The following MMEL1 variants were observed in gnomAD, a reference collection of about 807,000 sequenced individuals.
MMEL1 encodes membrane metalloendopeptidase like 1.
In MMEL1, 98 loss-of-function variants were observed where a neutral mutation model predicts 117.1. The ratio of observed to expected loss-of-function variants is 0.84; its 90% CI spans 0.71 to 0.99. The LOEUF is 0.99. MMEL1 is among the 50% of genes least tolerant of loss of function. The probability of loss-of-function intolerance (pLI) is 0.00; values close to 1 mark genes in which losing one functional copy is unlikely to be tolerated. For synonymous variants in MMEL1, 390 were observed against 415.1 expected (o/e 0.94, Z 0.74); for missense variants, 1,014 against 1,049.1 (o/e 0.97, Z 0.46).
chr1:2,593,082 G>C, intron 19 of MMEL1, 116 bp from the exon 20 acceptor site: 1 of 1,346,380 alleles, frequency 7.4e-7, no homozygotes. Context: ...CCAGTACGGA[G>C]AGCCCACAGT....
At chr1:2,604,015 G>GCC (rs1274820803) in intron 10 of MMEL1, 42 bp from the exon 11 acceptor site, 2 of 1,598,512 alleles carry the variant, frequency 1.3e-6, no homozygotes, top group Admixed American at 3.4e-5. Flanking sequence ...TGGCCAGGAT[G>GCC]CCCCCTGGGG....
At chr1:2,601,208 T>A (rs1644926663) in intron 11 of MMEL1, among the ~76,000 whole-genome samples, 2 of 152,182 alleles carry the variant, frequency 1.3e-5, no homozygotes, top group African/African-American at 2.4e-5. Flanking sequence ...CAAGACATTA[T>A]AAAGCTGAAG....
At chr1:2,599,630 G>T (rs1438380002) in intron 11 of MMEL1, among the ~76,000 whole-genome samples, 1 of 152,206 alleles carries the variant, frequency 6.6e-6, no homozygotes, top group Non-Finnish European at 1.5e-5. Context: ...GGTCGAGGCG[G>T]GCAGATCACC....
intron 3 of MMEL1, among the ~76,000 whole-genome samples, chr1:2,611,646 T>A (rs1645130912): frequency 6.6e-6 from 1 of 152,128 alleles, no homozygotes; most frequent in Admixed American, 6.5e-5. Flanking sequence ...TCAGTGATAG[T>A]GAGCTTCGTT....
intron 12 of MMEL1, 42 bp from the exon 13 acceptor site, chr1:2,598,342 G>A (rs773134559): frequency 4.6e-5 from 74 of 1,591,660 alleles, no homozygotes; most frequent in Non-Finnish European, 6.2e-5. Context: ...ACAGGTGAGA[G>A]GTCTTTGCAA....
chr1:2,591,065 CA>C lies in MMEL1; in HGVS notation c.2264del (p.Leu755ArgfsTer74). 6.2e-7 allele frequency: 1 copy of C among 1,604,474 alleles called. No individual in the cohort carries two copies. The highest frequency in any genetic ancestry group is 8.5e-7 in the Non-Finnish European group (1 of 1,175,976). ...AGTGGAACGTGTCTGCGAAGGCGGC[CA>C]GGTTCTGCAGCGACCCCAGTACCCT... Reference protein sequence around the residue: ...KYRVLGSLQNLAAFADTFHCA... With the variant: ...KYRVLGSLQNXAAFADTFHCA... On this transcript the variant is annotated frameshift_variant, in exon 24 of 24. Transcript: ENST00000378412. LOFTEE classifies it high-confidence loss of function.
At chr1:2,600,479 G>A (rs939441674) in intron 11 of MMEL1, among the ~76,000 whole-genome samples, 5 of 151,986 alleles carry the variant, frequency 3.3e-5, no homozygotes, top group African/African-American at 1.2e-4. Flanking sequence ...CGGGAGGACT[G>A]CTTGAGCACA....
At chr1:2,596,437 C>T (rs1352038682) in intron 14 of MMEL1, 124 bp downstream of exon 14, 7 of 1,380,958 alleles carry the variant, frequency 5.1e-6, no homozygotes, top group East Asian at 2.4e-5. Context: ...CCTTAGCCTC[C>T]CTCTGTCTGG....
At chr1:2,596,942 G>C (rs1043205959) in intron 13 of MMEL1, among the ~76,000 whole-genome samples, 7 of 152,060 alleles carry the variant, frequency 4.6e-5, no homozygotes, top group African/African-American at 1.7e-4. Context: ...GAGTTGGGGG[G>C]GTTCCTCCCC....
Position 2,629,433 on chromosome 1 carries a change from C to T in MMEL1, c.52G>A (p.Gly18Arg), listed in dbSNP as rs1333641067. 6.5e-7 allele frequency: 1 copy of T among 1,544,958 alleles called. No homozygotes were observed. Among genetic ancestry groups the T allele is most frequent in the East Asian group, 2.5e-5 (1 of 40,746 alleles). The change falls in exon 2 of 24, where the codon GGG becomes AGG. Residue 18 changes from glycine to arginine, a missense_variant. By Grantham distance (125) the Gly-to-Arg change is moderately radical. Coordinates refer to ENST00000378412, the MANE Select transcript of MMEL1 (RefSeq NM_033467.4). The part of the protein sequence containing the change: ...VGMVESAGRA[G>R]QKRPGFLEGG... ...TCCAGGAACCCCGGGCGCTTCTGCCCTGCACGGCCGGCGCTCTCCACCATC... is the reference window on the plus strand; with the variant it reads ...TCCAGGAACCCCGGGCGCTTCTGCCTTGCACGGCCGGCGCTCTCCACCATC...
chr1:2,626,771 G>A lies in MMEL1; in HGVS notation c.154+2560C>T, dbSNP rs142962647. ...AACAAAAAAATCTAAGATAACTGTC[G>A]AAAAGATAGAAATACAAAACTTCCA... On this transcript the variant is annotated intron_variant, in intron 2 of 23. Coordinates refer to ENST00000378412, the MANE Select transcript of MMEL1 (RefSeq NM_033467.4). Among the ~76,000 whole-genome samples, 704 of 152,098 alleles carry A rather than the reference G, an allele frequency of 4.6e-3. 6 individuals carry two copies. The highest frequency in any genetic ancestry group is 0.016 in the African/African-American group (653 of 41,486).
intron 20 of MMEL1, 52 bp from the exon 21 acceptor site, chr1:2,592,772 C>T (rs1644759261): frequency 1.2e-6 from 2 of 1,610,628 alleles, no homozygotes; most frequent in Non-Finnish European, 1.7e-6. Context: ...TTCCCTCTCC[C>T]TCAGGGCCAG....
At chr1:2,592,167 C>T in intron 21 of MMEL1, 140 bp from the exon 22 acceptor site, 2 of 678,610 alleles carry the variant, frequency 2.9e-6, no homozygotes, top group Non-Finnish European at 5.0e-6. Flanking sequence ...TTCACACACC[C>T]CACGGATGAG....
chr1:2,604,733 G>C (rs1025363957), intron 9 of MMEL1, among the ~76,000 whole-genome samples: 4 of 152,140 alleles, frequency 2.6e-5, no homozygotes, highest in African/African-American at 7.2e-5. Context: ...TCCTGAGGAA[G>C]TTTGCTCCTC....
chr1:2,621,713 G>A (rs569373679), intron 2 of MMEL1, among the ~76,000 whole-genome samples: 85 of 152,182 alleles, frequency 5.6e-4, no homozygotes, highest in East Asian at 1.5e-3. Flanking sequence ...ACAGGCATCC[G>A]CCATCACGCC....
chr1:2,631,325 G>T (rs1315131773), intron 1 of MMEL1, among the ~76,000 whole-genome samples: 2 of 152,134 alleles, frequency 1.3e-5, no homozygotes, highest in Non-Finnish European at 2.9e-5. Flanking sequence ...TCCTGCCTGT[G>T]GGTGGGTCAG....
At chr1:2,604,094 TG>T in intron 10 of MMEL1, 52 bp downstream of exon 10, 1 of 1,573,358 alleles carries the variant, frequency 6.4e-7, no homozygotes. Flanking sequence ...CCACACCGCC[TG>T]GGGCTCCCAG....
At chr1:2,607,554 G>A (rs893179698) in intron 6 of MMEL1, among the ~76,000 whole-genome samples, 9 of 152,088 alleles carry the variant, frequency 5.9e-5, no homozygotes, top group East Asian at 1.9e-4. Flanking sequence ...GTGGGGCCCC[G>A]ACAAGCAGGG....
intron 2 of MMEL1, among the ~76,000 whole-genome samples, chr1:2,625,340 C>T (rs1423052744): frequency 6.6e-6 from 1 of 152,170 alleles, no homozygotes; most frequent in African/African-American, 2.4e-5. Flanking sequence ...TTACTTCAGC[C>T]CATTTATCAA....
Sources: allele counts gnomAD v4.1 joint callset (sites outside exome capture counted in the v4.1 genomes callset), GRCh38; gene constraint gnomAD v4.1.1; transcripts MANE v1.5; gene names NCBI Gene and HGNC (gene_info 2026-07-23, HGNC 2026-07-21).